USP10: variants seen among roughly 807,000 people sequenced by gnomAD.
USP10 encodes ubiquitin carboxyl-terminal hydrolase 10.
A neutral mutation model predicts 84.5 loss-of-function variants in USP10; 22 were observed. The ratio of observed to expected loss-of-function variants is 0.26; its 90% CI spans 0.19 to 0.37. The LOEUF (loss-of-function observed/expected upper bound fraction) is 0.37, where lower values mean the gene tolerates loss of function less well. Among genes scored for constraint, USP10 ranks in the 10% least tolerant of loss-of-function variants. The pLI is 1.00. For missense variants in USP10, 1,019 were observed against 998.9 expected, an observed-to-expected ratio of 1.02 and a Z score of -0.27; for synonymous variants, 454 against 387.6, an observed-to-expected ratio of 1.17 and a Z score of -2.01.
chr16:84,771,044 G>A (rs1176046551), intron 11 of USP10, among the ~76,000 whole-genome samples: 3 of 137,044 alleles, frequency 2.2e-5, no homozygotes, highest in African/African-American at 5.4e-5. Flanking sequence ...ATGACAGAGC[G>A]AGACTGTCTC....
chr16:84,723,822 A>G (rs1328796863), intron 1 of USP10, among the ~76,000 whole-genome samples: 1 of 152,210 alleles, frequency 6.6e-6, no homozygotes, highest in East Asian at 1.9e-4. Flanking sequence ...AATCACCTCC[A>G]CAATCAAGAC....
intron 3 of USP10, among the ~76,000 whole-genome samples, 155 bp downstream of exon 3, chr16:84,740,524 C>G (rs1910504107): frequency 6.6e-6 from 1 of 152,234 alleles, no homozygotes; most frequent in South Asian, 2.1e-4. Flanking sequence ...TGCTGAATCA[C>G]TTTGACTAGT....
Position 84,759,358 on chromosome 16 carries a change from CAT to C in USP10, c.1285-3_1285-2del. On this transcript the variant is annotated splice_polypyrimidine_tract_variant and splice_region_variant and intron_variant, in intron 5 of 13. Transcript: ENST00000219473. ...CCTTTACGCTTCCTTACTGCCACTA[CAT>C]AGACACTGCAGGCATTGGTTGCTTG... is the stretch of plus-strand genomic sequence containing the variant. 6.2e-7 allele frequency: 1 copy of C among 1,613,638 alleles called. No homozygotes were observed. The highest frequency in any genetic ancestry group is 2.2e-5 in the East Asian group (1 of 44,888).
chr16:84,729,683 T>A (rs558255240), intron 1 of USP10, among the ~76,000 whole-genome samples: 2 of 152,222 alleles, frequency 1.3e-5, no homozygotes, highest in Non-Finnish European at 2.9e-5. Context: ...GTTTTAAATA[T>A]TGCTGAAGTG....
chr16:84,742,118 A>G (rs1390639907), intron 3 of USP10, among the ~76,000 whole-genome samples: 3 of 152,174 alleles, frequency 2.0e-5, no homozygotes, highest in South Asian at 2.1e-4. Flanking sequence ...AGGTGTATAT[A>G]TGTATGGGGT....
At chr16:84,732,432 C>T (rs1236676969) in intron 1 of USP10, 1 of 330,752 alleles carries the variant, frequency 3.0e-6, no homozygotes, top group East Asian at 1.2e-4. Flanking sequence ...TTCTCAATGA[C>T]TTCTTCTTCT....
intron 1 of USP10, among the ~76,000 whole-genome samples, chr16:84,727,183 CTGAAT>C (rs1204114610): frequency 6.6e-6 from 1 of 152,216 alleles, no homozygotes; most frequent in Non-Finnish European, 1.5e-5. Context: ...CCCGTGTGAA[CTGAAT>C]TGTTCTGTAT....
chr16:84,749,781 G>C lies in USP10; in HGVS notation c.1192+4108G>C, dbSNP rs1173212922. On this transcript the variant is annotated intron_variant, in intron 4 of 13. Transcript: ENST00000219473. The stretch of plus-strand genomic sequence containing the variant: ...AATCACGTATAAGGGATTTTGAAGT[G>C]AAATACATTAAACTCTTGATTACTC... 2.6e-5 allele frequency among the ~76,000 whole-genome samples: 4 copies of C among 152,234 alleles called. No homozygotes were observed. The East Asian group carries it at 7.7e-4, about 29-fold the overall frequency.
chr16:84,757,392 GA>G (rs1440254244), intron 4 of USP10, among the ~76,000 whole-genome samples: 6 of 42,536 alleles, frequency 1.4e-4, no homozygotes, highest in South Asian at 1.1e-3. Context: ...GAGGGAATGA[GA>G]GGGGTGGGGG....
At chr16:84,756,840 A>G (rs1428513434) in intron 4 of USP10, among the ~76,000 whole-genome samples, 1 of 152,210 alleles carries the variant, frequency 6.6e-6, no homozygotes. Context: ...TTGTGATGAT[A>G]TGGTTTAAAG....
intron 11 of USP10, among the ~76,000 whole-genome samples, chr16:84,770,768 TC>T (rs60755662): frequency 0.71 from 91,701 of 128,748 alleles, 31,937 homozygotes; most frequent in Middle Eastern, 0.78. Context: ...CGAGACTCCG[TC>T]CCCAAAAAAA....
At chr16:84,776,472 C>T (rs1019425919) in intron 13 of USP10, among the ~76,000 whole-genome samples, 7 of 152,214 alleles carry the variant, frequency 4.6e-5, no homozygotes, top group East Asian at 1.9e-4. Flanking sequence ...TCAGATGGGA[C>T]GGCCATGGGC....
chr16:84,725,908 G>C (rs1908409445), intron 1 of USP10, among the ~76,000 whole-genome samples: 1 of 152,190 alleles, frequency 6.6e-6, no homozygotes. Context: ...AGAAGAGGGA[G>C]AATACTTTAT....
In USP10 at chr16:84,759,344, C is replaced by A. The variant is rs748905618; in HGVS notation, c.1285-19C>A. Reference sequence around the variant, plus strand: ...GTGTCTGTTCATTTCCTTTACGCTTCCTTACTGCCACTACATAGACACTGC... The same window carrying A: ...GTGTCTGTTCATTTCCTTTACGCTTACTTACTGCCACTACATAGACACTGC... On this transcript the variant is annotated intron_variant, in intron 5 of 13. Transcript: ENST00000219473. 25 of 1,610,544 alleles carry A rather than the reference C, an allele frequency of 1.6e-5. No individual in the cohort carries two copies. In the East Asian group the frequency reaches 2.0e-4, roughly 13 times the overall value.
intron 13 of USP10, among the ~76,000 whole-genome samples, chr16:84,777,208 C>T (rs553749726): frequency 6.6e-6 from 1 of 152,332 alleles, no homozygotes; most frequent in South Asian, 2.1e-4. Flanking sequence ...GTGTGAGTGA[C>T]ACACGGCTCA....
At chr16:84,705,255 G>C (rs371630614) in intron 1 of USP10, among the ~76,000 whole-genome samples, 1 of 148,660 alleles carries the variant, frequency 6.7e-6, no homozygotes, top group Non-Finnish European at 1.5e-5. Context: ...TTTTTGAGAC[G>C]GAGTCTCGCT....
In USP10 at chr16:84,744,761, T is replaced by A; in HGVS notation, c.280T>A (p.Cys94Ser). Residue 94 changes from cysteine to serine, a missense_variant, in exon 4 of 14, where the codon TGT (cysteine) becomes AGT (serine). By Grantham distance (112) the Cys-to-Ser change is moderately radical. Transcript: ENST00000219473. ...TCAGGCCCCTGAATTTATTCTCGGT[T>A]GTACAGCTTCCAAAATAACCCCTGA... is the stretch of plus-strand genomic sequence containing the variant. ...NPQAPEFILG[C>S]TASKITPDGI... is the part of the protein sequence containing the mutation. 1 of 1,613,716 alleles carries A rather than the reference T, an allele frequency of 6.2e-7. No homozygotes were observed. Among genetic ancestry groups the A allele is most frequent in the Non-Finnish European group, 8.5e-7 (1 of 1,179,702 alleles).
intron 1 of USP10, among the ~76,000 whole-genome samples, chr16:84,723,999 G>C (rs1908138083): frequency 6.6e-6 from 1 of 152,126 alleles, no homozygotes; most frequent in Non-Finnish European, 1.5e-5. Context: ...TGATTGTAAT[G>C]AATATGAAAG....
intron 1 of USP10, among the ~76,000 whole-genome samples, chr16:84,702,856 G>A (rs1905064217): frequency 6.6e-6 from 1 of 151,910 alleles, no homozygotes; most frequent in Non-Finnish European, 1.5e-5. Flanking sequence ...AGCCGAGTGT[G>A]GTGAAGCTCG....
Sources: allele counts gnomAD v4.1 joint callset (sites outside exome capture counted in the v4.1 genomes callset), GRCh38; gene constraint gnomAD v4.1.1; transcripts MANE v1.5; gene names NCBI Gene and HGNC (gene_info 2026-07-23, HGNC 2026-07-21).